The following NELL1 variants were observed in gnomAD, a reference collection of about 807,000 sequenced individuals.
NELL1 encodes the protein protein kinase C-binding protein NELL1.
A neutral mutation model predicts 107.4 loss-of-function variants in NELL1; 76 were observed. That is an observed-to-expected ratio of 0.71 (90% CI 0.59 to 0.86). The LOEUF (loss-of-function observed/expected upper bound fraction) is 0.86. Ranked by LOEUF, NELL1 falls within the 40% of genes least tolerant of loss-of-function variation. The pLI is 0.00. For synonymous variants in NELL1, 353 were observed against 341.2 expected (o/e 1.03, Z -0.38); for missense variants, 1,024 against 1,005.5 (o/e 1.02, Z -0.25).
chr11:21,262,799 C>G (rs1002782440), intron 14 of NELL1, among the ~76,000 whole-genome samples: 8 of 151,850 alleles, frequency 5.3e-5, no homozygotes, highest in Non-Finnish European at 4.4e-5. Flanking sequence ...ACATTTAAGT[C>G]TGTAAATGTT....
At chr11:21,230,981 C>T (rs1381840051) in intron 14 of NELL1, among the ~76,000 whole-genome samples, 1 of 152,002 alleles carries the variant, frequency 6.6e-6, no homozygotes, top group Non-Finnish European at 1.5e-5. Context: ...TCACTGAAAA[C>T]TGGAAACAAC....
At chr11:21,348,990 G>A (rs1850743783) in intron 14 of NELL1, among the ~76,000 whole-genome samples, 1 of 152,150 alleles carries the variant, frequency 6.6e-6, no homozygotes, top group South Asian at 2.1e-4. Context: ...GCCTTCACAG[G>A]TCTTTATGCA....
intron 14 of NELL1, among the ~76,000 whole-genome samples, chr11:21,245,144 G>A (rs959876153): frequency 2.6e-5 from 4 of 152,136 alleles, no homozygotes; most frequent in South Asian, 2.1e-4. Flanking sequence ...ACCTGCCTCT[G>A]TAGCCTCATT....
intron 2 of NELL1, among the ~76,000 whole-genome samples, chr11:20,756,516 ATTTTTTT>A (rs753445309): frequency 6.2e-5 from 6 of 97,322 alleles, no homozygotes; most frequent in African/African-American, 8.1e-5. Context: ...ATTTTTTGTA[ATTTTTTT>A]TTTTTTTTTT....
chr11:21,105,557 G>T (rs749596610), intron 12 of NELL1, among the ~76,000 whole-genome samples: 1 of 152,140 alleles, frequency 6.6e-6, no homozygotes, highest in African/African-American at 2.4e-5. Context: ...CCTAGGGCCC[G>T]GATAGCCTTT....
At chr11:21,221,844 C>T (rs927345239) in intron 13 of NELL1, among the ~76,000 whole-genome samples, 1 of 151,988 alleles carries the variant, frequency 6.6e-6, no homozygotes, top group African/African-American at 2.4e-5. Flanking sequence ...TGGTGTGGGC[C>T]ACCATACCTG....
chr11:21,116,234 C>T (rs976329360), intron 13 of NELL1, among the ~76,000 whole-genome samples: 1 of 151,942 alleles, frequency 6.6e-6, no homozygotes, highest in Non-Finnish European at 1.5e-5. Flanking sequence ...TTGTGCCATC[C>T]TATTTCCTGG....
chr11:20,830,585 G>C (rs574877916), intron 3 of NELL1, among the ~76,000 whole-genome samples: 16 of 152,138 alleles, frequency 1.1e-4, no homozygotes, highest in Admixed American at 2.0e-4. Context: ...TGATCTGCCT[G>C]CCTCAGACTC....
chr11:20,763,334 A>C (rs956130956), intron 2 of NELL1, among the ~76,000 whole-genome samples: 3 of 152,162 alleles, frequency 2.0e-5, no homozygotes, highest in Non-Finnish European at 4.4e-5. Flanking sequence ...TCAGGCATGG[A>C]GGAAAGTGAG....
intron 2 of NELL1, among the ~76,000 whole-genome samples, chr11:20,695,371 A>G (rs1565311478): frequency 1.3e-5 from 2 of 152,158 alleles, no homozygotes; most frequent in East Asian, 1.9e-4. Context: ...TGCCTGTTCC[A>G]TTTCTCAAGG....
intron 12 of NELL1, among the ~76,000 whole-genome samples, chr11:21,002,594 G>A (rs2134275445): frequency 6.6e-6 from 1 of 152,262 alleles, no homozygotes; most frequent in East Asian, 1.9e-4. Context: ...CATTAAACCT[G>A]CCTCTACATT....
intron 14 of NELL1, among the ~76,000 whole-genome samples, chr11:21,305,719 G>T (rs968347787): frequency 6.6e-6 from 1 of 151,648 alleles, no homozygotes. Context: ...TACATATCTA[G>T]ACAGTATAGA....
rs1590599999 is a variant in NELL1, at chr11:21,063,479, G to A, written c.1301-50110G>A. 3.3e-5 allele frequency among the ~76,000 whole-genome samples: 5 copies of A among 152,180 alleles called. No homozygotes were observed. The South Asian group carries it at 1.0e-3, about 32-fold the overall frequency. ...CTCTAATTATAGGCTTCTTCTTTTT[G>A]GTGACCAGCCCCAATCCTGACATTA... On this transcript the variant is annotated intron_variant, in intron 12 of 19. Coordinates refer to ENST00000357134, the MANE Select transcript of NELL1 (RefSeq NM_006157.5).
chr11:20,816,874 C>A (rs955672400), intron 3 of NELL1, among the ~76,000 whole-genome samples: 8 of 152,064 alleles, frequency 5.3e-5, no homozygotes, highest in Non-Finnish European at 2.9e-5. Flanking sequence ...TTACCAAAAG[C>A]CTTTGCTACG....
chr11:21,278,023 A>C (rs1848908026), intron 14 of NELL1, among the ~76,000 whole-genome samples: 1 of 148,020 alleles, frequency 6.8e-6, no homozygotes, highest in Admixed American at 6.9e-5. Flanking sequence ...CGTTGTGCAC[A>C]TGTACCCTAA....
chr11:21,350,451 T>C (rs1372829307), intron 14 of NELL1, among the ~76,000 whole-genome samples: 2 of 152,186 alleles, frequency 1.3e-5, no homozygotes, highest in African/African-American at 2.4e-5. Flanking sequence ...AAAAACTTCA[T>C]TGCCCAATGC....
chr11:20,688,100 G>A (rs1462389816), intron 2 of NELL1, among the ~76,000 whole-genome samples: 5 of 151,942 alleles, frequency 3.3e-5, no homozygotes, highest in African/African-American at 1.2e-4. Flanking sequence ...TATACTTTTA[G>A]TAAGAGAATT....
intron 12 of NELL1, among the ~76,000 whole-genome samples, chr11:21,097,616 G>C (rs1437505522): frequency 6.6e-6 from 1 of 152,124 alleles, no homozygotes; most frequent in Non-Finnish European, 1.5e-5. Flanking sequence ...CGAGGGAACA[G>C]ATGTGAGTTA....
intron 15 of NELL1, among the ~76,000 whole-genome samples, chr11:21,408,404 C>T (rs1438591637): frequency 6.6e-6 from 1 of 151,962 alleles, no homozygotes. Flanking sequence ...GGCCAGGGCA[C>T]TGCTTCAGAC....
Sources: allele counts gnomAD v4.1 joint callset (sites outside exome capture counted in the v4.1 genomes callset), GRCh38; gene constraint gnomAD v4.1.1; transcripts MANE v1.5; gene names NCBI Gene and HGNC (gene_info 2026-07-23, HGNC 2026-07-21).